ADGRB1: variants seen among roughly 807,000 people sequenced by gnomAD.
ADGRB1 encodes the protein adhesion G protein-coupled receptor B1.
ADGRB1 carries 36 observed loss-of-function variants against 175.7 expected under a neutral mutation model. The ratio of observed to expected loss-of-function variants is 0.20; its 90% CI spans 0.16 to 0.27. ADGRB1 has a LOEUF of 0.27. ADGRB1 is among the 10% of genes least tolerant of loss of function. The probability of loss-of-function intolerance (pLI) is 1.00; values close to 1 mark genes in which losing one functional copy is unlikely to be tolerated. For synonymous variants in ADGRB1, 1,054 were observed against 979.4 expected, an observed-to-expected ratio of 1.08 and a Z score of -1.42; for missense variants, 1,731 against 2,255.3, an observed-to-expected ratio of 0.77 and a Z score of 4.71.
intron 2 of ADGRB1, among the ~76,000 whole-genome samples, chr8:142,473,166 G>A (rs937321879): frequency 6.6e-6 from 1 of 152,188 alleles, no homozygotes; most frequent in Admixed American, 6.5e-5. Context: ...GGCATCCTCC[G>A]ATGAGCCTGG....
intron 17 of ADGRB1, among the ~76,000 whole-genome samples, chr8:142,496,233 A>G (rs946038896): frequency 1.0e-4 from 15 of 147,682 alleles, no homozygotes; most frequent in Admixed American, 8.7e-4. Flanking sequence ...GGCTGGATGT[A>G]GAGATGGTAG....
chr8:142,518,337 C>G (rs1190202628), intron 19 of ADGRB1, 96 bp downstream of exon 19: 15 of 1,323,038 alleles, frequency 1.1e-5, no homozygotes, highest in Middle Eastern at 1.8e-4. Flanking sequence ...GGGTGCCCCT[C>G]CCTCCATTTG....
Position 142,479,318 on chromosome 8 carries a change from C to G in ADGRB1, c.1562-5C>G. 6.7e-7 allele frequency: 1 copy of G among 1,499,462 alleles called. No individual in the cohort carries two copies. The highest frequency in any genetic ancestry group is 8.8e-7 in the Non-Finnish European group (1 of 1,130,446). 92.9% of individuals were successfully genotyped at this position (1,499,462 alleles called of 1,614,324 possible). On this transcript the variant is annotated splice_region_variant and splice_polypyrimidine_tract_variant and intron_variant, in intron 7 of 30. Coordinates refer to ENST00000517894, the MANE Select transcript of ADGRB1 (RefSeq NM_001702.3). Reference sequence around the variant, plus strand: ...CTGTGCCCTGTGTCTGGCCACGCCCCGCAGTGGATGGCAAGTGGCAGGCCT... The same window carrying G: ...CTGTGCCCTGTGTCTGGCCACGCCCGGCAGTGGATGGCAAGTGGCAGGCCT...
intron 1 of ADGRB1, among the ~76,000 whole-genome samples, chr8:142,456,982 G>A (rs895172942): frequency 2.0e-5 from 3 of 152,214 alleles, no homozygotes; most frequent in Admixed American, 6.5e-5. Flanking sequence ...GCCTCAGACC[G>A]GCCCCGGGGT....
Position 142,479,726 on chromosome 8 carries a change from G to A in ADGRB1, c.1760G>A (p.Gly587Asp), listed in dbSNP as rs1236883504. 1.9e-6 allele frequency: 3 copies of A among 1,613,674 alleles called. No individual in the cohort carries two copies. Among genetic ancestry groups the A allele is most frequent in the Admixed American group, 3.3e-5 (2 of 60,012 alleles). The change falls in exon 9 of 31, where the codon GGT (glycine) becomes GAT (aspartate). Residue 587 changes from glycine (G) to aspartate (D), a missense_variant. Physicochemically the swap from Gly to Asp is moderately conservative, Grantham distance 94. This residue lies in a region of ADGRB1 where 388 missense variants were observed against 630.9 expected (regional missense o/e 0.61). Transcript: ENST00000517894. ...GAGATCTGTGATGAGGACAACTTTGGTGCTGTGATCTGGAAGGAGACCCCA... is the reference window on the plus strand; with the variant it reads ...GAGATCTGTGATGAGGACAACTTTGATGCTGTGATCTGGAAGGAGACCCCA... ...PHEICDEDNF[G>D]AVIWKETPAG...
intron 17 of ADGRB1, among the ~76,000 whole-genome samples, chr8:142,506,880 C>T (rs1587369276): frequency 1.3e-5 from 2 of 152,328 alleles, no homozygotes; most frequent in South Asian, 2.1e-4. Flanking sequence ...AAGGGAGGCT[C>T]GGGTAACTCC....
rs76058865 is a variant in ADGRB1, at chr8:142,484,559, T to C, written c.2200-97T>C. 7.5e-3 allele frequency: 9,314 copies of C among 1,239,700 alleles called. 48 individuals carry two copies. Among genetic ancestry groups the C allele is most frequent in the Non-Finnish European group, 9.2e-3 (8,283 of 904,408 alleles). 76.8% of individuals were successfully genotyped at this position (1,239,700 alleles called of 1,614,324 possible). A position where few individuals can be genotyped will look rare whatever the true frequency, so the allele number is the denominator to read the frequency against. On this transcript the variant is annotated intron_variant, in intron 12 of 30. Coordinates refer to ENST00000517894, the MANE Select transcript of ADGRB1 (RefSeq NM_001702.3). Reference sequence around the variant, plus strand: ...CCCACTTCCTCAAAATGTTAGGAAATGGCCAATAAGAAAAGGAGGGACAGG... The same window carrying C: ...CCCACTTCCTCAAAATGTTAGGAAACGGCCAATAAGAAAAGGAGGGACAGG...
chr8:142,466,945 G>A (rs943896602), intron 2 of ADGRB1, among the ~76,000 whole-genome samples: 2 of 152,180 alleles, frequency 1.3e-5, no homozygotes, highest in South Asian at 2.1e-4. Context: ...TCAGGGGCCC[G>A]GCCCAAGATT....
intron 17 of ADGRB1, among the ~76,000 whole-genome samples, chr8:142,507,021 C>A (rs1271863785): frequency 6.6e-6 from 1 of 152,224 alleles, no homozygotes; most frequent in African/African-American, 2.4e-5. Flanking sequence ...AGGGGGCAGG[C>A]AGCCAGACAC....
chr8:142,538,160 T>A (rs1845048868), intron 26 of ADGRB1, among the ~76,000 whole-genome samples: 1 of 152,216 alleles, frequency 6.6e-6, no homozygotes, highest in Non-Finnish European at 1.5e-5. Context: ...GGAGCCCTCC[T>A]TGACTCTTGC....
intron 2 of ADGRB1, among the ~76,000 whole-genome samples, chr8:142,467,728 C>A (rs998194349): frequency 2.0e-5 from 3 of 152,192 alleles, no homozygotes; most frequent in African/African-American, 7.2e-5. Context: ...CCCAGCCTGA[C>A]CCGGCTTGCC....
chr8:142,533,926 G>C (rs1315980872), intron 25 of ADGRB1, among the ~76,000 whole-genome samples: 1 of 152,234 alleles, frequency 6.6e-6, no homozygotes, highest in Admixed American at 6.5e-5. Flanking sequence ...TGCTCTTGCG[G>C]AGGCTGGAAT....
rs1271552931 is a variant in ADGRB1 at position 142,510,951 on chromosome 8, C to A, written c.2695C>A (p.Pro899Thr). The A allele has an allele frequency of 7.7e-7, 1 of 1,294,072 alleles. No homozygotes were observed. The highest frequency in any genetic ancestry group is 1.5e-5 in the South Asian group (1 of 67,092). 80.2% of individuals were successfully genotyped at this position (1,294,072 alleles called of 1,614,324 possible). The change falls in exon 18 of 31, where the codon CCG becomes ACG. Residue 899 changes from proline to threonine, a missense_variant. Physicochemically the swap from Pro to Thr is conservative, Grantham distance 38 (BLOSUM62 -1). Around this residue, in one of 8 missense-constraint regions of ADGRB1, gnomAD observed 77 missense variants for 71.6 expected, o/e 1.08. Transcript: ENST00000517894. This position sits in a 1 kb window ranked among gnomAD's most constrained non-coding sequence, Gnocchi z 6.3. The part of the protein sequence containing the change: ...ETDVPSSSAP[P>T]QLGPWSWRGC... The stretch of plus-strand genomic sequence containing the variant: ...CCCCAGACCCTCCTCCTCCGCCCCC[C>A]CGCAGCTCGGGCCCTGGTCGTGGCG...
intron 13 of ADGRB1, among the ~76,000 whole-genome samples, chr8:142,488,069 A>G (rs1587323218): frequency 6.6e-6 from 1 of 151,352 alleles, no homozygotes; most frequent in Non-Finnish European, 1.5e-5. Flanking sequence ...CTTCTGGGCC[A>G]TGGAGGGTGG....
At chr8:142,505,988 C>T (rs980501652) in intron 17 of ADGRB1, among the ~76,000 whole-genome samples, 2 of 152,164 alleles carry the variant, frequency 1.3e-5, no homozygotes, top group East Asian at 1.9e-4. Flanking sequence ...TTCATTCACG[C>T]GCAGGCGTCC....
At chr8:142,467,314 G>A (rs751132244) in intron 2 of ADGRB1, among the ~76,000 whole-genome samples, 5 of 152,244 alleles carry the variant, frequency 3.3e-5, no homozygotes, top group African/African-American at 7.2e-5. Flanking sequence ...AGCCTGGGAC[G>A]GGCTGGCAGC....
At chr8:142,457,907 C>T (rs776073576) in intron 1 of ADGRB1, among the ~76,000 whole-genome samples, 19 of 152,200 alleles carry the variant, frequency 1.2e-4, no homozygotes, top group Non-Finnish European at 2.6e-4. Flanking sequence ...GGTACCAGGC[C>T]GCTTGAATGG....
rs943584116 is a variant in ADGRB1 at position 142,479,800 on chromosome 8, G to A, written c.1828+6G>A. On this transcript the variant is annotated splice_donor_region_variant and intron_variant, in intron 9 of 30. Coordinates refer to ENST00000517894, the MANE Select transcript of ADGRB1 (RefSeq NM_001702.3). ...GTGTCCCCGCAACGCCACAGGTGAG[G>A]GCTGGAGAGCACGTGGTGTATGGGG... 3.1e-6 allele frequency: 5 copies of A among 1,611,598 alleles called. No homozygotes were observed. The highest frequency in any genetic ancestry group is 1.7e-5 in the Admixed American group (1 of 59,910).
At chr8:142,484,786 C>T in intron 13 of ADGRB1, 22 bp downstream of exon 13, 1 of 1,540,596 alleles carries the variant, frequency 6.5e-7, no homozygotes, top group Non-Finnish European at 8.9e-7. Context: ...CGCCTGCTGC[C>T]ACCCCCCATG....
Sources: gnomAD v4.1 joint callset for allele counts (sites outside exome capture counted in the v4.1 genomes callset) on GRCh38, gnomAD v4.1.1 for gene constraint, gnomAD v4.1.1 regional missense constraint, Gnocchi (gnomAD v3.1) non-coding constraint, MANE v1.5 for transcripts, NCBI Gene and HGNC (gene_info 2026-07-23, HGNC 2026-07-21) for gene names.